SGTB: variants seen among roughly 807,000 people sequenced by gnomAD.
The protein encoded by SGTB is small glutamine-rich tetratricopeptide repeat-containing protein beta.
SGTB carries 19 observed loss-of-function variants against 43.9 expected under a neutral mutation model. That is an observed-to-expected ratio of 0.43 (90% CI 0.30 to 0.63). SGTB has a LOEUF of 0.63. Among genes scored for constraint, SGTB ranks in the 30% least tolerant of loss-of-function variants. The pLI, the probability that SGTB is intolerant of heterozygous loss-of-function variation, is 0.12. For missense variants in SGTB, 304 were observed against 358.9 expected (o/e 0.85, Z 1.24); for synonymous variants, 116 against 117.3 (o/e 0.99, Z 0.07).
intron 5 of SGTB, among the ~76,000 whole-genome samples, chr5:65,699,257 C>G (rs1394332701): frequency 1.3e-5 from 2 of 152,180 alleles, no homozygotes; most frequent in Admixed American, 1.3e-4. Flanking sequence ...AGCTGGAGAT[C>G]ATAACTCTAA....
At chr5:65,719,076 T>A (rs1758204683) in intron 2 of SGTB, among the ~76,000 whole-genome samples, 1 of 152,186 alleles carries the variant, frequency 6.6e-6, no homozygotes, top group South Asian at 2.1e-4. Flanking sequence ...TGCAATGTTC[T>A]CCAACTGTGC....
chr5:65,719,409 G>A (rs780309897), intron 2 of SGTB, among the ~76,000 whole-genome samples: 5 of 151,978 alleles, frequency 3.3e-5, no homozygotes, highest in Non-Finnish European at 7.4e-5. Flanking sequence ...GGGCAACATG[G>A]CGAAACTCTG....
At chr5:65,701,709 T>C (rs906538691) in intron 5 of SGTB, among the ~76,000 whole-genome samples, 3 of 151,106 alleles carry the variant, frequency 2.0e-5, no homozygotes, top group Non-Finnish European at 4.4e-5. Flanking sequence ...CTTGGCTTTC[T>C]ACAAGCTCCG....
intron 5 of SGTB, among the ~76,000 whole-genome samples, chr5:65,702,823 A>T (rs1470015932): frequency 6.6e-6 from 1 of 152,218 alleles, no homozygotes; most frequent in Non-Finnish European, 1.5e-5. Context: ...AAAATGGCCA[A>T]CATTTGAAAA....
chr5:65,703,092 C>T (rs552423624), intron 5 of SGTB, among the ~76,000 whole-genome samples: 1 of 152,186 alleles, frequency 6.6e-6, no homozygotes, highest in Admixed American at 6.5e-5. Flanking sequence ...TCCAGAAAAT[C>T]TAAAGCATGA....
chr5:65,683,984 A>G (rs1360543291), intron 6 of SGTB, among the ~76,000 whole-genome samples: 2 of 151,948 alleles, frequency 1.3e-5, no homozygotes, highest in Non-Finnish European at 1.5e-5. Context: ...CAAAGATGAA[A>G]CAGCAAGTAC....
intron 6 of SGTB, among the ~76,000 whole-genome samples, chr5:65,682,856 T>C (rs947872785): frequency 1.3e-5 from 2 of 152,252 alleles, no homozygotes; most frequent in African/African-American, 2.4e-5. Flanking sequence ...TCCTGTTCTA[T>C]AAAGTCACCA....
At chr5:65,711,997 G>A (rs757293620) in intron 3 of SGTB, among the ~76,000 whole-genome samples, 2 of 152,140 alleles carry the variant, frequency 1.3e-5, no homozygotes, top group Non-Finnish European at 2.9e-5. Context: ...GCTATAATCC[G>A]AGCACTTTTT....
intron 2 of SGTB, among the ~76,000 whole-genome samples, chr5:65,718,904 C>T (rs921826970): frequency 4.6e-5 from 7 of 151,932 alleles, no homozygotes; most frequent in Admixed American, 1.3e-4. Context: ...TTTTATGCTG[C>T]TTTTGATTAG....
At chr5:65,709,507 T>C (rs987502150) in intron 3 of SGTB, among the ~76,000 whole-genome samples, 1 of 151,620 alleles carries the variant, frequency 6.6e-6, no homozygotes, top group Non-Finnish European at 1.5e-5. Flanking sequence ...GCCTCCCGAG[T>C]AGCTGGGACT....
At position 65,672,200 on chromosome 5, in the gene SGTB, T is replaced by A. The variant is rs754258576; in HGVS notation, c.719+44A>T. ...GTGCTCAAATTAGGAGCCTGGCAAG[T>A]GGAAGGGTTGGGGAAGTGTAATAAG... On this transcript the variant is annotated intron_variant, in intron 9 of 10. Coordinates refer to ENST00000381007, the MANE Select transcript of SGTB (RefSeq NM_019072.3). 6 of 1,610,652 alleles carry A rather than the reference T, an allele frequency of 3.7e-6. No individual in the cohort carries two copies. The South Asian group carries it at 6.6e-5, about 18-fold the overall frequency.
At chr5:65,704,925 C>T (rs1757900020) in intron 4 of SGTB, among the ~76,000 whole-genome samples, 1 of 152,186 alleles carries the variant, frequency 6.6e-6, no homozygotes, top group South Asian at 2.1e-4. Flanking sequence ...CAGAGTTAGA[C>T]TCTTTTTAAA....
intron 8 of SGTB, among the ~76,000 whole-genome samples, chr5:65,680,241 T>C (rs1458777777): frequency 6.6e-6 from 1 of 152,170 alleles, no homozygotes; most frequent in Non-Finnish European, 1.5e-5. Flanking sequence ...AATACCTGGG[T>C]AATGGGAGGA....
At chr5:65,687,697 G>C (rs1481641768) in intron 5 of SGTB, among the ~76,000 whole-genome samples, 1 of 152,200 alleles carries the variant, frequency 6.6e-6, no homozygotes, top group Non-Finnish European at 1.5e-5. Context: ...ACAGTTCAGA[G>C]AGAGAAGTAA....
intron 2 of SGTB, among the ~76,000 whole-genome samples, chr5:65,718,516 G>A (rs1300823937): frequency 2.6e-5 from 4 of 152,186 alleles, no homozygotes; most frequent in Admixed American, 6.6e-5. Context: ...ACCACAATTA[G>A]TCAAGGAATG....
chr5:65,686,780 T>G (rs996382562), intron 5 of SGTB, among the ~76,000 whole-genome samples: 9 of 152,198 alleles, frequency 5.9e-5, no homozygotes, highest in Non-Finnish European at 8.8e-5. Flanking sequence ...TGGAATCTAA[T>G]AAGCACACAC....
chr5:65,707,528 G>A (rs996443645), intron 4 of SGTB, among the ~76,000 whole-genome samples: 6 of 151,118 alleles, frequency 4.0e-5, no homozygotes, highest in Non-Finnish European at 7.4e-5. Context: ...TCCGCCTGCC[G>A]GGTTCAAGCA....
chr5:65,691,851 A>G (rs1252174362), intron 5 of SGTB, among the ~76,000 whole-genome samples: 3 of 151,394 alleles, frequency 2.0e-5, no homozygotes, highest in Admixed American at 1.3e-4. Flanking sequence ...GAATGGCGTG[A>G]ACCCGGGAGG....
chr5:65,722,234 G>A (rs1018398042), upstream of SGTB: 20 of 464,388 alleles, frequency 4.3e-5, no homozygotes, highest in Non-Finnish European at 7.1e-5. Context: ...CCGCACGTGG[G>A]AGGGCGCTGG....
Sources: gnomAD v4.1 joint callset for allele counts (sites outside exome capture counted in the v4.1 genomes callset) on GRCh38, gnomAD v4.1.1 for gene constraint, MANE v1.5 for transcripts, NCBI Gene and HGNC (gene_info 2026-07-23, HGNC 2026-07-21) for gene names.